Variants in DLG1 observed in about 807,000 individuals in gnomAD.
DLG1 encodes discs large MAGUK scaffold protein 1.
A neutral mutation model predicts 123.4 loss-of-function variants in DLG1; 42 were observed. The observed-to-expected ratio is 0.34, with a 90% CI of 0.27 to 0.44. The LOEUF (loss-of-function observed/expected upper bound fraction) is 0.44. Among genes scored for constraint, DLG1 ranks in the 20% least tolerant of loss-of-function variants. DLG1 has a pLI of 1.00. For synonymous variants in DLG1, 317 were observed against 356.2 expected (o/e 0.89, Z 1.24); for missense variants, 942 against 1,082.6 (o/e 0.87, Z 1.82).
intron 4 of DLG1, among the ~76,000 whole-genome samples, chr3:197,258,066 G>A (rs1406636928): frequency 6.6e-6 from 1 of 152,168 alleles, no homozygotes; most frequent in African/African-American, 2.4e-5. Flanking sequence ...GTATATAAGT[G>A]TATGAACAAT....
At chr3:197,297,939 G>C (rs1418045816) in intron 1 of DLG1, 8 of 982,836 alleles carry the variant, frequency 8.1e-6, no homozygotes, top group African/African-American at 3.5e-5. Flanking sequence ...CGAAGGGACG[G>C]GGGAGGAGCT....
At position 197,119,529 on chromosome 3, in the gene DLG1, A is replaced by C. The variant is rs1292819378; in HGVS notation, c.1167T>G (p.Ser389=). The C allele has an allele frequency of 2.5e-6, 4 of 1,603,886 alleles. No homozygotes were observed. The highest frequency in any genetic ancestry group is 3.4e-6 in the Non-Finnish European group (4 of 1,174,446). Residue 389 remains serine (S), a splice_region_variant and synonymous_variant, in exon 12 of 25, where the codon TCT becomes TCG. Transcript: ENST00000667157. ...CATGGTTATCAACAGGCTGAGAAGA[A>C]GCTTCAAAATAAACAAAGTGAAAAA... ...DGYAPPDITN[S]SSQPVDNHVS...
chr3:197,249,173 TA>T (rs1309043110), intron 4 of DLG1, among the ~76,000 whole-genome samples: 3 of 151,140 alleles, frequency 2.0e-5, no homozygotes, highest in African/African-American at 4.9e-5. Context: ...TTAGCTAGGC[TA>T]AAAAAAAGAT....
At chr3:197,244,773 G>A (rs542145918) in intron 4 of DLG1, among the ~76,000 whole-genome samples, 50 of 152,148 alleles carry the variant, frequency 3.3e-4, no homozygotes, top group Admixed American at 1.2e-3. Flanking sequence ...GCTGGTTTGA[G>A]TTTTCCTTCT....
chr3:197,052,253 A>G (rs1728342778), intron 23 of DLG1, among the ~76,000 whole-genome samples: 1 of 151,816 alleles, frequency 6.6e-6, no homozygotes, highest in African/African-American at 2.4e-5. Flanking sequence ...TAAGGAGTTC[A>G]GGGCCAGCCT....
chr3:197,272,542 A>G (rs1764369194), intron 4 of DLG1, among the ~76,000 whole-genome samples: 1 of 152,200 alleles, frequency 6.6e-6, no homozygotes, highest in Non-Finnish European at 1.5e-5. Context: ...CTGTTGTTAC[A>G]GCAGACCTGA....
chr3:197,136,359 G>C (rs1785060089), intron 10 of DLG1, 183 bp downstream of exon 10: 8 of 543,466 alleles, frequency 1.5e-5, no homozygotes, highest in Non-Finnish European at 2.6e-5. Flanking sequence ...AGCTAGCAGA[G>C]AAAAGAGAAA....
chr3:197,217,011 T>G (rs1734447075), intron 4 of DLG1, among the ~76,000 whole-genome samples: 1 of 152,244 alleles, frequency 6.6e-6, no homozygotes, highest in African/African-American at 2.4e-5. Flanking sequence ...ATATTCTAAA[T>G]GAATTTTCTC....
Position 197,194,454 on chromosome 3 carries a change from C to A in DLG1, c.454G>T (p.Val152Phe). The A allele has an allele frequency of 6.3e-7, 1 of 1,595,204 alleles. No individual in the cohort carries two copies. The highest frequency in any genetic ancestry group is 8.5e-7 in the Non-Finnish European group (1 of 1,172,704). Residue 152 changes from valine to phenylalanine, a missense_variant, in exon 5 of 25, where the codon GTT becomes TTT. Val to Phe is a conservative substitution (Grantham distance 50, BLOSUM62 -1). Coordinates refer to ENST00000667157, the MANE Select transcript of DLG1 (RefSeq NM_001366207.1). ...LSEIENVHGF[V>F]SHSHISPIKA... The stretch of plus-strand genomic sequence containing the variant: ...ATTGGTGAAATATGAGAATGAGAAA[C>A]AAATCCATGGACATTCTCAATCTCT...
intron 5 of DLG1, among the ~76,000 whole-genome samples, chr3:197,185,389 G>C (rs753436901): frequency 6.6e-6 from 1 of 152,174 alleles, no homozygotes; most frequent in African/African-American, 2.4e-5. Flanking sequence ...GTAAGGGTGA[G>C]AGCCATGTGG....
At chr3:197,094,853 A>G (rs1017600393) in intron 14 of DLG1, among the ~76,000 whole-genome samples, 1 of 152,196 alleles carries the variant, frequency 6.6e-6, no homozygotes, top group Admixed American at 6.5e-5. Context: ...CTATAAACTG[A>G]GAACAACGGA....
rs188411404 is a variant in DLG1, at chr3:197,208,748, C to T, written c.319-14159G>A. Among the ~76,000 whole-genome samples, 35 of 145,492 alleles carry T rather than the reference C, an allele frequency of 2.4e-4. 1 individual carries two copies. Among genetic ancestry groups the T allele is most frequent in the African/African-American group, 7.6e-4 (31 of 41,028 alleles). ...GAAAATACACATATTTGCTTATATA[C>T]GGAGAAACCAGGATGCATAGGAAAC... On this transcript the variant is annotated intron_variant, in intron 4 of 24. Coordinates refer to ENST00000667157, the MANE Select transcript of DLG1 (RefSeq NM_001366207.1).
chr3:197,078,508 T>C (rs1451990215), intron 17 of DLG1: 3 of 152,238 alleles, frequency 2.0e-5, no homozygotes, highest in Admixed American at 6.5e-5. Flanking sequence ...TTGATTTCAA[T>C]CTTAAAGTTT....
chr3:197,053,876 T>C (rs560174367), intron 23 of DLG1, among the ~76,000 whole-genome samples: 1 of 151,766 alleles, frequency 6.6e-6, no homozygotes, highest in Non-Finnish European at 1.5e-5. Flanking sequence ...GTGGATCACT[T>C]GAGCTCAGAG....
chr3:197,263,035 A>T (rs1430098093), intron 4 of DLG1, among the ~76,000 whole-genome samples: 6 of 141,602 alleles, frequency 4.2e-5, no homozygotes, highest in East Asian at 6.0e-4. Flanking sequence ...ATAAGGCTCA[A>T]GGCTCATAAC....
intron 13 of DLG1, among the ~76,000 whole-genome samples, chr3:197,111,187 T>C (rs997909588): frequency 6.6e-6 from 1 of 152,154 alleles, no homozygotes; most frequent in Non-Finnish European, 1.5e-5. Context: ...CACATTAGGG[T>C]GAGCTACTTC....
Position 197,159,837 on chromosome 3 carries a change from T to G in DLG1, c.484-10041A>C, listed in dbSNP as rs114589842. 5.3e-3 allele frequency among the ~76,000 whole-genome samples: 800 copies of G among 152,326 alleles called. 6 individuals are homozygous for G. The highest frequency in any genetic ancestry group is 0.017 in the African/African-American group (711 of 41,572). On this transcript the variant is annotated intron_variant, in intron 5 of 24. Transcript: ENST00000667157. ...AGCTATGCAGAATAAATAGGTCTTT[T>G]TTGTGTGTATCCTCAATAAATATCC...
At chr3:197,216,715 C>T (rs1329791842) in intron 4 of DLG1, among the ~76,000 whole-genome samples, 3 of 152,280 alleles carry the variant, frequency 2.0e-5, no homozygotes, top group East Asian at 3.9e-4. Flanking sequence ...GCACAGTAAG[C>T]GACTTGATCA....
At chr3:197,252,076 T>C (rs906205877) in intron 4 of DLG1, among the ~76,000 whole-genome samples, 2 of 152,216 alleles carry the variant, frequency 1.3e-5, no homozygotes, top group African/African-American at 4.8e-5. Context: ...TTGCTTTTTA[T>C]GACTAGTGTG....
Sources: allele counts gnomAD v4.1 joint callset (sites outside exome capture counted in the v4.1 genomes callset), GRCh38; gene constraint gnomAD v4.1.1; transcripts MANE v1.5; gene names NCBI Gene and HGNC (gene_info 2026-07-23, HGNC 2026-07-21).